The following CLSTN2 variants were observed in gnomAD, a reference collection of about 807,000 sequenced individuals.
CLSTN2 encodes calsyntenin-2.
Under a neutral mutation model 101.2 loss-of-function variants are expected in CLSTN2, and 48 were observed. The ratio of observed to expected loss-of-function variants is 0.47; its 90% CI spans 0.38 to 0.60. The LOEUF (loss-of-function observed/expected upper bound fraction) is 0.60, where lower values mean the gene tolerates loss of function less well. Ranked by LOEUF, CLSTN2 falls within the 20% of genes least tolerant of loss-of-function variation. The pLI, the probability that CLSTN2 is intolerant of heterozygous loss-of-function variation, is 0.00. For synonymous variants in CLSTN2, 481 were observed against 463.6 expected (o/e 1.04, Z -0.48); for missense variants, 1,160 against 1,238.2 (o/e 0.94, Z 0.95).
At chr3:139,938,883 T>C (rs1052243532) in intron 1 of CLSTN2, among the ~76,000 whole-genome samples, 1 of 152,168 alleles carries the variant, frequency 6.6e-6, no homozygotes, top group South Asian at 2.1e-4. Context: ...TGCTCAGTGC[T>C]CTGGTTCTGA....
intron 10 of CLSTN2, among the ~76,000 whole-genome samples, chr3:140,547,381 G>A (rs1051587793): frequency 2.0e-5 from 3 of 152,090 alleles, no homozygotes; most frequent in Non-Finnish European, 4.4e-5. Flanking sequence ...GGCTGAGGCA[G>A]GAGAATCATT....
Position 140,481,263 on chromosome 3 carries a change from G to A in CLSTN2, c.1344+14532G>A, listed in dbSNP as rs555710827. ...TCAAAGATCAGATAGTTGTAGATAC[G>A]TGGCATTATTTCTGAGGGCTCTGTT... is the stretch of plus-strand genomic sequence containing the variant. On this transcript the variant is annotated intron_variant, in intron 8 of 16. Transcript: ENST00000458420. Among the ~76,000 whole-genome samples the A allele has an allele frequency of 2.9e-4, 44 of 152,186 alleles. 1 individual carries two copies. The highest frequency in any genetic ancestry group is 1.5e-3 in the Admixed American group (23 of 15,298).
intron 8 of CLSTN2, among the ~76,000 whole-genome samples, chr3:140,522,235 A>G (rs949396247): frequency 6.6e-6 from 1 of 152,114 alleles, no homozygotes; most frequent in Admixed American, 6.5e-5. Flanking sequence ...CCAATGTGAG[A>G]GTCTGGATAT....
intron 8 of CLSTN2, chr3:140,506,281 G>C (rs1934682775): frequency 6.6e-6 from 1 of 152,156 alleles, no homozygotes; most frequent in Admixed American, 6.5e-5. Flanking sequence ...TAAGAAGCAG[G>C]GAAAGCCATG....
chr3:139,965,559 G>A (rs1425494203), intron 1 of CLSTN2, among the ~76,000 whole-genome samples: 2 of 152,184 alleles, frequency 1.3e-5, no homozygotes, highest in Non-Finnish European at 2.9e-5. Context: ...ATCCAGATTC[G>A]AGAAAGAGTG....
intron 1 of CLSTN2, among the ~76,000 whole-genome samples, chr3:140,168,782 C>G (rs1182396718): frequency 6.6e-6 from 1 of 152,002 alleles, no homozygotes; most frequent in African/African-American, 2.4e-5. Flanking sequence ...GTCTTAGAAC[C>G]TTTGTCAGAA....
chr3:140,170,432 T>G (rs776974761), intron 1 of CLSTN2, among the ~76,000 whole-genome samples: 4 of 152,152 alleles, frequency 2.6e-5, no homozygotes, highest in Non-Finnish European at 4.4e-5. Flanking sequence ...GGAGAAAATT[T>G]GGGGGATGTT....
intron 1 of CLSTN2, among the ~76,000 whole-genome samples, chr3:140,141,956 A>G (rs1227321493): frequency 6.6e-6 from 1 of 152,224 alleles, no homozygotes; most frequent in Non-Finnish European, 1.5e-5. Context: ...TGTCTCGTCC[A>G]ATTAATAAAG....
intron 1 of CLSTN2, among the ~76,000 whole-genome samples, chr3:140,088,745 C>A (rs2008720169): frequency 6.6e-6 from 1 of 152,134 alleles, no homozygotes; most frequent in Admixed American, 6.5e-5. Flanking sequence ...TGATGTCATG[C>A]CTCTCCCCTG....
intron 1 of CLSTN2, among the ~76,000 whole-genome samples, chr3:140,155,507 T>C (rs1473607171): frequency 6.6e-6 from 1 of 152,092 alleles, no homozygotes; most frequent in East Asian, 1.9e-4. Context: ...CCTAAATATT[T>C]GAAGGGGAAC....
rs933477278 is a variant in CLSTN2 at position 139,935,759 on chromosome 3, C to G, written c.109+276C>G. On this transcript the variant is annotated intron_variant, in intron 1 of 16. Coordinates refer to ENST00000458420, the MANE Select transcript of CLSTN2 (RefSeq NM_022131.3). This position sits in a 1 kb window ranked among gnomAD's most constrained non-coding sequence, Gnocchi z 5.5. Reference sequence around the variant, plus strand: ...GGACAACTTTGAGGGCTGTCTGTGCCGGGGTGGGAGCGCAGTGGGTGAGTT... The same window carrying G: ...GGACAACTTTGAGGGCTGTCTGTGCGGGGGTGGGAGCGCAGTGGGTGAGTT... Among the ~76,000 whole-genome samples the G allele has an allele frequency of 4.6e-5, 7 of 151,940 alleles. No individual in the cohort carries two copies. Among genetic ancestry groups the G allele is most frequent in the Admixed American group, 3.9e-4 (6 of 15,264 alleles).
At chr3:140,093,520 T>C (rs2008816154) in intron 1 of CLSTN2, among the ~76,000 whole-genome samples, 1 of 152,308 alleles carries the variant, frequency 6.6e-6, no homozygotes, top group Admixed American at 6.5e-5. Flanking sequence ...TCATATTCTT[T>C]GCTGAATTTC....
At chr3:140,396,126 C>T (rs1166720242) in intron 2 of CLSTN2, among the ~76,000 whole-genome samples, 1 of 152,196 alleles carries the variant, frequency 6.6e-6, no homozygotes, top group Non-Finnish European at 1.5e-5. Flanking sequence ...AGCACCTTGA[C>T]TCTTGCCCAG....
At chr3:140,199,333 T>C (rs2010689257) in intron 2 of CLSTN2, among the ~76,000 whole-genome samples, 1 of 152,194 alleles carries the variant, frequency 6.6e-6, no homozygotes, top group Non-Finnish European at 1.5e-5. Context: ...TCATCATTGA[T>C]TTCCTTTCCT....
Position 140,404,150 on chromosome 3 carries a change from G to A in CLSTN2, c.428+326G>A, listed in dbSNP as rs115217213. Among the ~76,000 whole-genome samples, 924 of 152,306 alleles carry A rather than the reference G, an allele frequency of 6.1e-3. 6 individuals carry two copies. Among genetic ancestry groups the A allele is most frequent in the African/African-American group, 0.021 (883 of 41,556 alleles). On this transcript the variant is annotated intron_variant, in intron 3 of 16. Coordinates refer to ENST00000458420, the MANE Select transcript of CLSTN2 (RefSeq NM_022131.3). ...CAGGACCTTTCCCTGGGCCTCTGCC[G>A]TGCCATAAGCTGCTCTCTGTCACAG...
At chr3:140,519,132 T>C (rs1934977857) in intron 8 of CLSTN2, among the ~76,000 whole-genome samples, 1 of 152,188 alleles carries the variant, frequency 6.6e-6, no homozygotes, top group Admixed American at 6.5e-5. Flanking sequence ...CATGTGATGG[T>C]GTGGTTTTGG....
At chr3:140,244,548 G>A (rs1450884657) in intron 2 of CLSTN2, among the ~76,000 whole-genome samples, 5 of 152,186 alleles carry the variant, frequency 3.3e-5, no homozygotes, top group African/African-American at 7.2e-5. Flanking sequence ...TTGATTCAGT[G>A]TCTGGTTCAT....
rs766225194 is a variant in CLSTN2 at position 140,564,049 on chromosome 3, C to T, written c.2571C>T (p.Ile857=). 11 of 1,613,960 alleles carry T rather than the reference C, an allele frequency of 6.8e-6. No homozygotes were observed. Among genetic ancestry groups the T allele is most frequent in the African/African-American group, 6.7e-5 (5 of 74,900 alleles). Residue 857 remains isoleucine, a synonymous_variant, in exon 16 of 17, where the codon ATC becomes ATT. Coordinates refer to ENST00000458420, the MANE Select transcript of CLSTN2 (RefSeq NM_022131.3). The part of the protein sequence containing the change: ...VVAMGVYRVR[I]AHQHFIQETE... Reference sequence around the variant, plus strand: ...CCATGGGTGTGTACCGGGTCCGGATCGCCCACCAGCACTTCATCCAGGAGA... The same window carrying T: ...CCATGGGTGTGTACCGGGTCCGGATTGCCCACCAGCACTTCATCCAGGAGA...
At chr3:140,451,418 T>C (rs1441636844) in intron 6 of CLSTN2, among the ~76,000 whole-genome samples, 1 of 152,212 alleles carries the variant, frequency 6.6e-6, no homozygotes, top group Non-Finnish European at 1.5e-5. Context: ...AGGTGTGGAC[T>C]TATTTGGAGT....
Sources: gnomAD v4.1 joint callset for allele counts (sites outside exome capture counted in the v4.1 genomes callset) on GRCh38, gnomAD v4.1.1 for gene constraint, Gnocchi (gnomAD v3.1) non-coding constraint, MANE v1.5 for transcripts, NCBI Gene and HGNC (gene_info 2026-07-23, HGNC 2026-07-21) for gene names.